NIBAN1: variants seen among roughly 807,000 people sequenced by gnomAD.
The protein encoded by NIBAN1 is protein Niban 1.
NIBAN1 carries 81 observed loss-of-function variants against 75.1 expected under a neutral mutation model. The observed-to-expected ratio is 1.08, with a 90% CI of 0.90 to 1.30. The LOEUF (loss-of-function observed/expected upper bound fraction) is 1.30, where lower values mean the gene tolerates loss of function less well. Among genes scored for constraint, NIBAN1 ranks in the 50% most tolerant of loss-of-function variants. The pLI, the probability that NIBAN1 is intolerant of heterozygous loss-of-function variation, is 0.00. For missense variants in NIBAN1, 1,133 were observed against 1,128.1 expected (o/e 1.00, Z -0.06); for synonymous variants, 436 against 424.8 (o/e 1.03, Z -0.32).
At chr1:184,878,083 T>A (rs1656278371) in intron 5 of NIBAN1, among the ~76,000 whole-genome samples, 1 of 152,208 alleles carries the variant, frequency 6.6e-6, no homozygotes, top group South Asian at 2.1e-4. Flanking sequence ...GTGATTGCAC[T>A]GAAAGAGCAC....
rs1658843560 is a variant in NIBAN1, at chr1:184,968,014, TAACAAGGTGAAACCCCG to T, written c.55+6271_55+6287del. On this transcript the variant is annotated intron_variant, in intron 1 of 13. Transcript: ENST00000367511. ...GTCAGGAGATCGAGACCATCCTGGC[TAACAAGGTGAAACCCCG>T]TCTCTACTAAAAATACAAAAAATTA... Among the ~76,000 whole-genome samples, 2 of 14,142 alleles carry T rather than the reference TAACAAGGTGAAACCCCG, an allele frequency of 1.4e-4. 1 individual carries two copies. The highest frequency in any genetic ancestry group is 4.7e-4 in the Non-Finnish European group (2 of 4,292). The allele number at this position is 14,142 out of a possible 152,430, so 9.3% of individuals were successfully genotyped here.
intron 1 of NIBAN1, among the ~76,000 whole-genome samples, chr1:184,940,122 G>A (rs897379888): frequency 1.3e-5 from 2 of 152,156 alleles, no homozygotes; most frequent in Admixed American, 6.5e-5. Context: ...AGGTGAAGGG[G>A]CCAGGTCCTG....
At chr1:184,823,887 G>A (rs1654773988) in intron 6 of NIBAN1, 145 bp from the exon 7 acceptor site, 1 of 599,874 alleles carries the variant, frequency 1.7e-6, no homozygotes, top group South Asian at 2.2e-5. Context: ...CTACTACAGA[G>A]GCCACAGAAA....
In NIBAN1 at chr1:184,930,512, A is replaced by T. The variant is rs936711621; in HGVS notation, c.56-31203T>A. Among the ~76,000 whole-genome samples, 5 of 152,190 alleles carry T rather than the reference A, an allele frequency of 3.3e-5. No homozygotes were observed. In the East Asian group the frequency reaches 7.7e-4, roughly 23 times the overall value. ...AGTGATAAGAAGGAAACTGATTCAA[A>T]GGGGAGCAAGTTATGTAATTTCAGT... On this transcript the variant is annotated intron_variant, in intron 1 of 13. Transcript: ENST00000367511.
chr1:184,894,966 T>C (rs1468765771), intron 2 of NIBAN1, among the ~76,000 whole-genome samples: 1 of 152,218 alleles, frequency 6.6e-6, no homozygotes, highest in Non-Finnish European at 1.5e-5. Context: ...AATATACAAA[T>C]GGGCCTCTTT....
intron 1 of NIBAN1, among the ~76,000 whole-genome samples, chr1:184,903,076 A>T (rs978424612): frequency 1.3e-5 from 2 of 152,224 alleles, no homozygotes; most frequent in African/African-American, 4.8e-5. Flanking sequence ...TGAGCACTGA[A>T]TTCCTTTCAT....
chr1:184,884,489 T>C, intron 5 of NIBAN1, 144 bp downstream of exon 5: 2 of 1,057,778 alleles, frequency 1.9e-6, no homozygotes, highest in Non-Finnish European at 2.7e-6. Flanking sequence ...CTTCCCAAAG[T>C]GCTGGGATTA....
At chr1:184,828,880 T>G (rs1654918706) in intron 6 of NIBAN1, among the ~76,000 whole-genome samples, 1 of 152,196 alleles carries the variant, frequency 6.6e-6, no homozygotes, top group Non-Finnish European at 1.5e-5. Context: ...CACTGCATCC[T>G]TGACCTCATG....
chr1:184,851,536 C>G (rs1228769655), intron 5 of NIBAN1, among the ~76,000 whole-genome samples: 1 of 49,162 alleles, frequency 2.0e-5, no homozygotes, highest in African/African-American at 1.1e-4. Flanking sequence ...CTAGATGACA[C>G]GTTAGTGGGT....
chr1:184,920,478 C>A (rs770514251), intron 1 of NIBAN1, among the ~76,000 whole-genome samples: 19 of 152,116 alleles, frequency 1.2e-4, no homozygotes, highest in Non-Finnish European at 1.8e-4. Context: ...CTATAGAACA[C>A]CAGAATTTAT....
At chr1:184,967,521 A>G (rs974412860) in intron 1 of NIBAN1, among the ~76,000 whole-genome samples, 21 of 152,214 alleles carry the variant, frequency 1.4e-4, no homozygotes, top group Admixed American at 1.3e-4. Context: ...CATTTATATT[A>G]ATGAAATTAG....
chr1:184,832,519 AC>A (rs1319528249), intron 5 of NIBAN1, among the ~76,000 whole-genome samples: 28 of 152,090 alleles, frequency 1.8e-4, no homozygotes, highest in Non-Finnish European at 2.8e-4. Context: ...CCTCACAAAA[AC>A]CCTCGAGGAG....
chr1:184,823,988 C>T (rs1462199027), intron 6 of NIBAN1, among the ~76,000 whole-genome samples: 1 of 152,180 alleles, frequency 6.6e-6, no homozygotes, highest in African/African-American at 2.4e-5. Context: ...GTTGTTTTCC[C>T]AATGTAAATA....
At chr1:184,898,652 A>G (rs1460141260) in intron 2 of NIBAN1, among the ~76,000 whole-genome samples, 1 of 152,250 alleles carries the variant, frequency 6.6e-6, no homozygotes, top group South Asian at 2.1e-4. Context: ...TCTTTTTAGC[A>G]TTTATTATTA....
At chr1:184,957,281 G>T (rs1658515157) in intron 1 of NIBAN1, among the ~76,000 whole-genome samples, 1 of 152,174 alleles carries the variant, frequency 6.6e-6, no homozygotes. Flanking sequence ...AGTATGTGTA[G>T]GACCTTGAGA....
chr1:184,818,528 T>G, intron 9 of NIBAN1, 110 bp downstream of exon 9: 1 of 1,090,618 alleles, frequency 9.2e-7, no homozygotes, highest in Non-Finnish European at 1.3e-6. Context: ...GGCAGAAGAA[T>G]GGAAGGAAGG....
intron 1 of NIBAN1, among the ~76,000 whole-genome samples, chr1:184,955,149 T>G (rs1014474950): frequency 6.6e-6 from 1 of 152,172 alleles, no homozygotes; most frequent in Non-Finnish European, 1.5e-5. Context: ...TATTTTACAT[T>G]ATTTTCTTTG....
At position 184,965,278 on chromosome 1, in the gene NIBAN1, A is replaced by G. The variant is rs377457734; in HGVS notation, c.55+9024T>C. On this transcript the variant is annotated intron_variant, in intron 1 of 13. Coordinates refer to ENST00000367511, the MANE Select transcript of NIBAN1 (RefSeq NM_052966.4). ...CGCGCCACTGCACTCCAGCCTGGGC[A>G]ACAGAGTGAGACTCCATCTCAAAAA... Among the ~76,000 whole-genome samples, 370 of 151,968 alleles carry G rather than the reference A, an allele frequency of 2.4e-3. 1 individual carries two copies. Among genetic ancestry groups the G allele is most frequent in the African/African-American group, 8.1e-3 (338 of 41,478 alleles).
chr1:184,891,929 C>T (rs1446713960), intron 3 of NIBAN1, among the ~76,000 whole-genome samples: 1 of 152,052 alleles, frequency 6.6e-6, no homozygotes, highest in Non-Finnish European at 1.5e-5. Flanking sequence ...TGGTTATTAC[C>T]AAATTAAGTC....
Sources: gnomAD v4.1 joint callset for allele counts (sites outside exome capture counted in the v4.1 genomes callset) on GRCh38, gnomAD v4.1.1 for gene constraint, MANE v1.5 for transcripts, NCBI Gene and HGNC (gene_info 2026-07-23, HGNC 2026-07-21) for gene names.